Variants in PAICS observed in about 807,000 individuals in gnomAD.
The protein encoded by PAICS is phosphoribosylaminoimidazole carboxylase and phosphoribosylaminoimidazolesuccinocarboxamide synthase.
Under a neutral mutation model 53.7 loss-of-function variants are expected in PAICS, and 33 were observed. That is an observed-to-expected ratio of 0.61 (90% CI 0.47 to 0.82). PAICS has a LOEUF of 0.82. Ranked by LOEUF, PAICS falls within the 40% of genes least tolerant of loss-of-function variation. The pLI is 0.00. For synonymous variants in PAICS, 141 were observed against 167.2 expected (o/e 0.84, Z 1.21); for missense variants, 394 against 494.1 (o/e 0.80, Z 1.92).
At position 56,451,856 on chromosome 4, in the gene PAICS, C is replaced by T. The variant is rs747654837; in HGVS notation, c.772-16C>T. ...TGTTTTTATGTTCTTTTCATATCCACGTATTTTTTCTTCAGTTGCTTTTGA... is the reference window on the plus strand; with the variant it reads ...TGTTTTTATGTTCTTTTCATATCCATGTATTTTTTCTTCAGTTGCTTTTGA... On this transcript the variant is annotated splice_polypyrimidine_tract_variant and intron_variant, in intron 6 of 8. Coordinates refer to ENST00000512576, the MANE Select transcript of PAICS (RefSeq NM_001079524.2). 22 of 1,500,460 alleles carry T rather than the reference C, an allele frequency of 1.5e-5. 1 individual carries two copies. The African/African-American group carries it at 1.5e-4, about 11-fold the overall frequency. 92.9% of individuals were successfully genotyped at this position (1,500,460 alleles called of 1,614,324 possible). A position where few individuals can be genotyped will look rare whatever the true frequency, so the allele number is the denominator to read the frequency against.
chr4:56,427,635 T>C, the PAICS span, among the ~76,000 whole-genome samples: 1 of 126,694 alleles, frequency 7.9e-6, no homozygotes, highest in Admixed American at 8.7e-5. Context: ...AGTGAGACCC[T>C]GTCTCTTAAA....
upstream of PAICS, among the ~76,000 whole-genome samples, chr4:56,433,252 G>C (rs1717698356): frequency 6.6e-6 from 1 of 151,592 alleles, no homozygotes; most frequent in Non-Finnish European, 1.5e-5. Flanking sequence ...ATGTTAAATT[G>C]TTTTTCAGTA....
chr4:56,453,293 T>C (rs781055452), intron 7 of PAICS, among the ~76,000 whole-genome samples: 4 of 152,134 alleles, frequency 2.6e-5, no homozygotes, highest in Non-Finnish European at 4.4e-5. Flanking sequence ...TTGGCCAGCC[T>C]ATACAGCAAT....
chr4:56,419,903 A>C, the PAICS span: 5 of 984,488 alleles, frequency 5.1e-6, no homozygotes, highest in Non-Finnish European at 6.0e-6. Context: ...CTCAAGATCT[A>C]GGCATGACTA....
chr4:56,430,306 T>C, the PAICS span, among the ~76,000 whole-genome samples: 2 of 152,142 alleles, frequency 1.3e-5, no homozygotes, highest in South Asian at 2.1e-4. Context: ...CTAAGCACTT[T>C]ACATATATTA....
At chr4:56,441,368 T>G (rs1169696473) in intron 1 of PAICS, among the ~76,000 whole-genome samples, 1 of 151,896 alleles carries the variant, frequency 6.6e-6, no homozygotes, top group African/African-American at 2.4e-5. Context: ...GTCAGAGGAG[T>G]TAGGATTTTA....
chr4:56,414,133 G>A, the PAICS span: 1 of 152,076 alleles, frequency 6.6e-6, no homozygotes, highest in South Asian at 2.1e-4. Context: ...AATTTTTAAG[G>A]TAATCAAAGT....
At chr4:56,435,978 A>G (rs571956607), upstream of PAICS, 11 of 1,509,328 alleles carry the variant, frequency 7.3e-6, no homozygotes, top group East Asian at 2.2e-4. Context: ...GGGCCGGGGT[A>G]TGCGAGCTTC....
At chr4:56,415,992 C>G in the PAICS span, among the ~76,000 whole-genome samples, 1 of 151,800 alleles carries the variant, frequency 6.6e-6, no homozygotes, top group Non-Finnish European at 1.5e-5. Context: ...ATTGCTTGAA[C>G]CCGGGAGGCG....
chr4:56,435,114 G>A (rs1489655419), upstream of PAICS, among the ~76,000 whole-genome samples: 1 of 152,142 alleles, frequency 6.6e-6, no homozygotes, highest in Admixed American at 6.5e-5. Flanking sequence ...GGGAGGGAGA[G>A]AGCCCCTAAA....
At position 56,464,231 on chromosome 4, in the gene PAICS, C is replaced by T. The variant is rs1719606403; in HGVS notation, c.*4693C>T. 1 of 152,144 alleles carries T rather than the reference C, an allele frequency of 6.6e-6. No homozygotes were observed. Among genetic ancestry groups the T allele is most frequent in the Non-Finnish European group, 1.5e-5 (1 of 68,014 alleles). 9.4% of individuals were successfully genotyped at this position (152,144 alleles called of 1,614,324 possible). On this transcript the variant is annotated 3_prime_UTR_variant, in exon 9 of 9. Transcript: ENST00000512576. ...TTCTGTATTTTTTAGAGAACAAATACAGCCTATTATGTATATATAAGACCC... is the reference window on the plus strand; with the variant it reads ...TTCTGTATTTTTTAGAGAACAAATATAGCCTATTATGTATATATAAGACCC...
At chr4:56,410,577 G>A in the PAICS span, 1 of 985,810 alleles carries the variant, frequency 1.0e-6, no homozygotes, top group Non-Finnish European at 1.2e-6. Context: ...CTAAGTGTCT[G>A]GGCAGAAAAA....
Position 56,437,720 on chromosome 4 carries a change from C to G in PAICS, c.16+1392C>G, listed in dbSNP as rs1195507138. Among the ~76,000 whole-genome samples, 4 of 148,360 alleles carry G rather than the reference C, an allele frequency of 2.7e-5. No individual in the cohort carries two copies. In the South Asian group the frequency reaches 6.4e-4, roughly 24 times the overall value. ...CCTGTAATCCTAGCTACTCGGGAAC[C>G]TGAGGCAGGAGAATCACTTGAACCG... is the stretch of plus-strand genomic sequence containing the variant. On this transcript the variant is annotated intron_variant, in intron 1 of 8. Coordinates refer to ENST00000512576, the MANE Select transcript of PAICS (RefSeq NM_001079524.2).
Position 56,453,881 on chromosome 4 carries a change from CTTG to C in PAICS, c.1111+125_1111+127del, listed in dbSNP as rs531713338. ...ATGACCTAGCTTCAGCAATTAACAT[CTTG>C]TTGTGTCTACAGCCATCTCCTGCTG... is the stretch of plus-strand genomic sequence containing the variant. On this transcript the variant is annotated intron_variant, in intron 8 of 8. Transcript: ENST00000512576. The C allele has an allele frequency of 1.3e-3, 742 of 590,706 alleles. 19 individuals carry two copies. In the South Asian group the frequency reaches 0.022, roughly 17 times the overall value. The allele number at this position is 590,706 out of a possible 1,614,324, so 36.6% of individuals were successfully genotyped here.
chr4:56,436,565 C>T (rs1344503774), intron 1 of PAICS: 2 of 703,742 alleles, frequency 2.8e-6, no homozygotes, highest in Admixed American at 2.0e-5. Context: ...TGGAAAGGTG[C>T]CTGGAAGTAT....
chr4:56,453,585 C>A lies in PAICS; in HGVS notation c.953-18C>A. ...GTTTTGAATGTTTAGCATAATTATA[C>A]TCTTGTCATTTCCCTAGGGGATGGC... On this transcript the variant is annotated intron_variant, in intron 7 of 8. Coordinates refer to ENST00000512576, the MANE Select transcript of PAICS (RefSeq NM_001079524.2). 1 of 1,493,634 alleles carries A rather than the reference C, an allele frequency of 6.7e-7. No homozygotes were observed. Among genetic ancestry groups the A allele is most frequent in the Non-Finnish European group, 9.1e-7 (1 of 1,094,760 alleles). 92.5% of individuals were successfully genotyped at this position (1,493,634 alleles called of 1,614,324 possible).
rs1364438423 is a variant in PAICS, at chr4:56,450,688, G to C, written c.757G>C (p.Ala253Pro). Residue 253 changes from alanine to proline, a missense_variant, in exon 6 of 9, where the codon GCA becomes CCA. Physicochemically the swap from Ala to Pro is conservative, Grantham distance 27. Transcript: ENST00000512576. ...QMVKKNFEWV[A>P]ERVELLLKSE... is the part of the protein sequence containing the mutation. ...GGTAAAGAAAAACTTTGAGTGGGTTGCAGAGAGAGTAGAGGTAAACCTTCT... is the reference window on the plus strand; with the variant it reads ...GGTAAAGAAAAACTTTGAGTGGGTTCCAGAGAGAGTAGAGGTAAACCTTCT... 1.3e-6 allele frequency: 2 copies of C among 1,506,188 alleles called. No individual in the cohort carries two copies. The highest frequency in any genetic ancestry group is 2.8e-5 in the African/African-American group (2 of 72,310). The allele number at this position is 1,506,188 out of a possible 1,614,324, so 93.3% of individuals were successfully genotyped here.
chr4:56,429,979 C>A, the PAICS span, among the ~76,000 whole-genome samples: 1 of 152,062 alleles, frequency 6.6e-6, no homozygotes, highest in African/African-American at 2.4e-5. Flanking sequence ...TACATCCCAG[C>A]CAGGTGCAGT....
the PAICS span, chr4:56,420,120 T>C: frequency 7.1e-6 from 3 of 423,960 alleles, no homozygotes; most frequent in Non-Finnish European, 9.5e-6. Context: ...TTTTCCAAAA[T>C]GCCTGGGATC....
Sources: allele counts gnomAD v4.1 joint callset (sites outside exome capture counted in the v4.1 genomes callset), GRCh38; gene constraint gnomAD v4.1.1; transcripts MANE v1.5; gene names NCBI Gene and HGNC (gene_info 2026-07-23, HGNC 2026-07-21).